The following TECRL variants were observed in gnomAD, a reference collection of about 807,000 sequenced individuals.
TECRL encodes the protein trans-2,3-enoyl-CoA reductase like.
Under a neutral mutation model 52.8 loss-of-function variants are expected in TECRL, and 63 were observed. The observed-to-expected ratio is 1.19, with a 90% CI of 0.97 to 1.47. The LOEUF is 1.47. Ranked by LOEUF, TECRL falls within the 40% of genes most tolerant of loss-of-function variation. The pLI is 0.00. For missense variants in TECRL, 482 were observed against 429.6 expected, an observed-to-expected ratio of 1.12 and a Z score of -1.08; for synonymous variants, 164 against 141.9, an observed-to-expected ratio of 1.16 and a Z score of -1.10.
At chr4:64,294,074 C>T (rs1723544931) in intron 8 of TECRL, among the ~76,000 whole-genome samples, 1 of 151,560 alleles carries the variant, frequency 6.6e-6, no homozygotes, top group African/African-American at 2.4e-5. Flanking sequence ...ACAACCTCTG[C>T]CTCCCGGGCT....
chr4:64,327,433 TTGTG>T (rs1718337267), intron 3 of TECRL, among the ~76,000 whole-genome samples: 5 of 152,132 alleles, frequency 3.3e-5, no homozygotes, highest in Admixed American at 3.3e-4. Context: ...TGAGGCTTCT[TTGTG>T]TAAGAGTCAA....
intron 7 of TECRL, among the ~76,000 whole-genome samples, chr4:64,304,317 T>C (rs1171982099): frequency 6.6e-6 from 1 of 151,970 alleles, no homozygotes; most frequent in Non-Finnish European, 1.5e-5. Flanking sequence ...GTTTTAATCA[T>C]TAAAATCAAT....
intron 4 of TECRL, among the ~76,000 whole-genome samples, chr4:64,321,061 A>T (rs1471581388): frequency 6.6e-6 from 1 of 152,100 alleles, no homozygotes; most frequent in African/African-American, 2.4e-5. Flanking sequence ...CGACCATAGA[A>T]CATTGGCAGC....
At chr4:64,403,299 C>T (rs1252509500) in intron 1 of TECRL, among the ~76,000 whole-genome samples, 2 of 151,756 alleles carry the variant, frequency 1.3e-5, no homozygotes, top group Non-Finnish European at 2.9e-5. Flanking sequence ...CCCCTGAGTT[C>T]TTCACAGCCA....
In TECRL at chr4:64,388,132, T is replaced by C. The variant is rs189651664; in HGVS notation, c.235-12909A>G. On this transcript the variant is annotated intron_variant, in intron 1 of 11. Transcript: ENST00000381210. ...CATAAGAGTTCTATAGTTTTGTTTATAGTTTTAGTGTAGTTTATAGTTTTA... is the reference window on the plus strand; with the variant it reads ...CATAAGAGTTCTATAGTTTTGTTTACAGTTTTAGTGTAGTTTATAGTTTTA... Among the ~76,000 whole-genome samples, 490 of 151,784 alleles carry C rather than the reference T, an allele frequency of 3.2e-3. 19 individuals are homozygous for C. Among genetic ancestry groups the C allele is most frequent in the Admixed American group, 0.031 (473 of 15,220 alleles).
chr4:64,376,932 G>C (rs1286964732), intron 1 of TECRL, among the ~76,000 whole-genome samples: 1 of 151,936 alleles, frequency 6.6e-6, no homozygotes, highest in Non-Finnish European at 1.5e-5. Flanking sequence ...AGCTGTGAGT[G>C]CAAACACGTA....
At chr4:64,284,097 A>G (rs988445169) in intron 9 of TECRL, among the ~76,000 whole-genome samples, 9 of 152,092 alleles carry the variant, frequency 5.9e-5, no homozygotes, top group African/African-American at 2.2e-4. Flanking sequence ...AGGGTGTTTG[A>G]AAAGAGGGGT....
intron 2 of TECRL, among the ~76,000 whole-genome samples, chr4:64,355,027 A>T (rs6825186): frequency 0.67 from 102,541 of 152,008 alleles, 35,659 homozygotes; most frequent in Non-Finnish European, 0.76. Context: ...GCTAGTAGTT[A>T]TGAGATTAGC....
At chr4:64,351,726 A>T (rs1454896620) in intron 2 of TECRL, among the ~76,000 whole-genome samples, 3 of 152,236 alleles carry the variant, frequency 2.0e-5, no homozygotes, top group African/African-American at 7.2e-5. Context: ...TTATGAATTG[A>T]TAAAAAAGAT....
At chr4:64,300,145 T>C (rs1723931317) in intron 7 of TECRL, 128 bp from the exon 8 acceptor site, 1 of 547,002 alleles carries the variant, frequency 1.8e-6, no homozygotes, top group African/African-American at 1.9e-5. Context: ...AGTATGTAAT[T>C]CACCTTTTGG....
chr4:64,299,469 C>T (rs931095657), intron 8 of TECRL, among the ~76,000 whole-genome samples: 2 of 150,940 alleles, frequency 1.3e-5, no homozygotes, highest in African/African-American at 4.8e-5. Flanking sequence ...GTCTTGTGTA[C>T]CCAGATTGAT....
At chr4:64,357,048 A>G (rs185118932) in intron 2 of TECRL, among the ~76,000 whole-genome samples, 8 of 152,320 alleles carry the variant, frequency 5.3e-5, no homozygotes, top group Non-Finnish European at 8.8e-5. Flanking sequence ...ACACAAATAC[A>G]TATAAACTAG....
intron 2 of TECRL, among the ~76,000 whole-genome samples, chr4:64,340,407 G>A (rs1259802372): frequency 6.6e-6 from 1 of 152,250 alleles, no homozygotes; most frequent in Non-Finnish European, 1.5e-5. Flanking sequence ...GAAAGTGTCT[G>A]CTCCAGCTGT....
chr4:64,343,690 CCT>C (rs1222503611), intron 2 of TECRL, among the ~76,000 whole-genome samples: 7 of 151,872 alleles, frequency 4.6e-5, no homozygotes, highest in Admixed American at 6.6e-5. Context: ...TCTCATTCAA[CCT>C]TGTTATGGGG....
chr4:64,388,383 T>C (rs924273668), intron 1 of TECRL, among the ~76,000 whole-genome samples: 14 of 151,956 alleles, frequency 9.2e-5, no homozygotes, highest in African/African-American at 3.4e-4. Flanking sequence ...TTGATACATT[T>C]GTTTTTTCTT....
intron 2 of TECRL, among the ~76,000 whole-genome samples, chr4:64,334,353 C>T (rs978275040): frequency 2.6e-5 from 4 of 152,086 alleles, no homozygotes; most frequent in Non-Finnish European, 5.9e-5. Context: ...TCTCTGTAAA[C>T]CATTTCTTTG....
At chr4:64,403,889 C>T (rs527505829) in intron 1 of TECRL, among the ~76,000 whole-genome samples, 2 of 151,470 alleles carry the variant, frequency 1.3e-5, no homozygotes, top group Non-Finnish European at 2.9e-5. Context: ...AAAAAAGATA[C>T]TGTCATTTGC....
chr4:64,355,650 A>C (rs1269179054), intron 2 of TECRL, among the ~76,000 whole-genome samples: 1 of 151,854 alleles, frequency 6.6e-6, no homozygotes, highest in African/African-American at 2.4e-5. Context: ...TCCAAAAAAA[A>C]AATTAGCCGG....
At chr4:64,349,942 G>C (rs958246722) in intron 2 of TECRL, among the ~76,000 whole-genome samples, 1 of 152,142 alleles carries the variant, frequency 6.6e-6, no homozygotes, top group South Asian at 2.1e-4. Flanking sequence ...TATTTTTTCA[G>C]AGTTGATTTC....
Sources: gnomAD v4.1 joint callset for allele counts (sites outside exome capture counted in the v4.1 genomes callset) on GRCh38, gnomAD v4.1.1 for gene constraint, MANE v1.5 for transcripts, NCBI Gene and HGNC (gene_info 2026-07-23, HGNC 2026-07-21) for gene names.